MCCC2: variants seen among roughly 807,000 people sequenced by gnomAD.
MCCC2 encodes the protein methylcrotonoyl-CoA carboxylase beta chain, mitochondrial.
A neutral mutation model predicts 77.2 loss-of-function variants in MCCC2; 52 were observed. That is an observed-to-expected ratio of 0.67 (90% CI 0.54 to 0.85). The LOEUF (loss-of-function observed/expected upper bound fraction) is 0.85. MCCC2 is among the 40% of genes least tolerant of loss of function. MCCC2 has a pLI of 0.00. For missense variants in MCCC2, 682 were observed against 703.2 expected (o/e 0.97, Z 0.34); for synonymous variants, 253 against 248.4 (o/e 1.02, Z -0.18).
chr5:71,620,552 T>C (rs1246301526), intron 6 of MCCC2, among the ~76,000 whole-genome samples: 1 of 152,082 alleles, frequency 6.6e-6, no homozygotes, highest in Non-Finnish European at 1.5e-5. Context: ...AGATAAAAAA[T>C]CTCTTAGCTC....
At chr5:71,617,130 C>T in intron 6 of MCCC2, among the ~76,000 whole-genome samples, 1 of 152,202 alleles carries the variant, frequency 6.6e-6, no homozygotes, top group East Asian at 1.9e-4. Flanking sequence ...TGCTCCTGGA[C>T]CCTAAACTGC....
At position 71,633,119 on chromosome 5, in the gene MCCC2, A is replaced by T. The variant is rs1230976192; in HGVS notation, c.803+934A>T. On this transcript the variant is annotated intron_variant, in intron 8 of 16. Coordinates refer to ENST00000340941, the MANE Select transcript of MCCC2 (RefSeq NM_022132.5). ...TATATATATATATATATATATATATATATATATATATATTTTTATTTTTTG... is the reference window on the plus strand; with the variant it reads ...TATATATATATATATATATATATATTTATATATATATATTTTTATTTTTTG... Among the ~76,000 whole-genome samples, 159 of 28,700 alleles carry T rather than the reference A, an allele frequency of 5.5e-3. 4 individuals are homozygous for T. The highest frequency in any genetic ancestry group is 1.0e-2 in the Non-Finnish European group (123 of 12,322). 18.8% of individuals were successfully genotyped at this position (28,700 alleles called of 152,430 possible). A position where few individuals can be genotyped will look rare whatever the true frequency, so the allele number is the denominator to read the frequency against.
chr5:71,612,810 G>C (rs904610099), intron 6 of MCCC2, among the ~76,000 whole-genome samples: 4 of 152,198 alleles, frequency 2.6e-5, no homozygotes, highest in Non-Finnish European at 5.9e-5. Flanking sequence ...TTGAACTCCT[G>C]GCCTCAGATC....
chr5:71,632,557 A>T (rs1266823760), intron 8 of MCCC2, among the ~76,000 whole-genome samples: 4 of 152,186 alleles, frequency 2.6e-5, no homozygotes, highest in Non-Finnish European at 5.9e-5. Context: ...AATTATGTAA[A>T]TGTGGCTGAT....
chr5:71,637,933 T>C (rs951723875), intron 10 of MCCC2, among the ~76,000 whole-genome samples: 1 of 152,054 alleles, frequency 6.6e-6, no homozygotes, highest in African/African-American at 2.4e-5. Flanking sequence ...AGGATAGTCT[T>C]GATCTCCGGA....
intron 15 of MCCC2, among the ~76,000 whole-genome samples, chr5:71,650,445 A>G (rs1280383076): frequency 6.6e-6 from 1 of 152,092 alleles, no homozygotes; most frequent in Admixed American, 6.5e-5. Context: ...CCAAGAAAAC[A>G]CTTTTTTATT....
At chr5:71,618,919 G>A (rs1746272725) in intron 6 of MCCC2, among the ~76,000 whole-genome samples, 1 of 152,110 alleles carries the variant, frequency 6.6e-6, no homozygotes, top group Admixed American at 6.5e-5. Flanking sequence ...TGGTGCATTG[G>A]TTCTCTTTCT....
At chr5:71,619,458 T>C (rs1746289744) in intron 6 of MCCC2, among the ~76,000 whole-genome samples, 1 of 152,210 alleles carries the variant, frequency 6.6e-6, no homozygotes, top group Admixed American at 6.5e-5. Context: ...AATCTCACTA[T>C]GTTGCCCAGG....
At chr5:71,600,645 C>T (rs1260267283) in intron 4 of MCCC2, among the ~76,000 whole-genome samples, 1 of 152,178 alleles carries the variant, frequency 6.6e-6, no homozygotes, top group Non-Finnish European at 1.5e-5. Flanking sequence ...TGGTTTATAT[C>T]ATCACTACTC....
rs1561841253 is a variant in MCCC2, at chr5:71,633,106, TA to T, written c.803+922del. Among the ~76,000 whole-genome samples, 87 of 21,818 alleles carry T rather than the reference TA, an allele frequency of 4.0e-3. 4 individuals carry two copies. The highest frequency in any genetic ancestry group is 0.025 in the Middle Eastern group (1 of 40). The allele number at this position is 21,818 out of a possible 152,430, so 14.3% of individuals were successfully genotyped here. On this transcript the variant is annotated intron_variant, in intron 8 of 16. Coordinates refer to ENST00000340941, the MANE Select transcript of MCCC2 (RefSeq NM_022132.5). ...TTTTTCAGTTTTATATATATATATATATATATATATATATATATATATATAT... is the reference window on the plus strand; with the variant it reads ...TTTTTCAGTTTTATATATATATATATTATATATATATATATATATATATAT...
intron 6 of MCCC2, among the ~76,000 whole-genome samples, chr5:71,605,308 T>C (rs1342785251): frequency 2.0e-5 from 3 of 151,338 alleles, no homozygotes; most frequent in African/African-American, 7.2e-5. Context: ...ATTGTGGTTT[T>C]GATTTGCATT....
At chr5:71,623,733 T>A (rs995617514) in intron 6 of MCCC2, among the ~76,000 whole-genome samples, 11 of 152,330 alleles carry the variant, frequency 7.2e-5, no homozygotes, top group African/African-American at 2.4e-4. Flanking sequence ...AAAAGCCTGG[T>A]TACCAGAATC....
At chr5:71,602,821 C>A in intron 5 of MCCC2, 188 bp downstream of exon 5, 1 of 772,974 alleles carries the variant, frequency 1.3e-6, no homozygotes, top group Non-Finnish European at 2.1e-6. Flanking sequence ...GTTCATAGTA[C>A]TAGTGCATAA....
rs147286109 is a variant in MCCC2, at chr5:71,612,725, T to C, written c.624+8257T>C. ...GGCTGTTGTAACAAATTATCACAAA[T>C]TGAGTGGCTTAAAGCAACAGCAATT... is the stretch of plus-strand genomic sequence containing the variant. On this transcript the variant is annotated intron_variant, in intron 6 of 16. Transcript: ENST00000340941. Among the ~76,000 whole-genome samples, 130 of 152,374 alleles carry C rather than the reference T, an allele frequency of 8.5e-4. 1 individual carries two copies. Among genetic ancestry groups the C allele is most frequent in the Middle Eastern group, 6.8e-3 (2 of 294 alleles).
intron 7 of MCCC2, among the ~76,000 whole-genome samples, chr5:71,631,418 G>T (rs1479142476): frequency 6.6e-6 from 1 of 152,132 alleles, no homozygotes; most frequent in Non-Finnish European, 1.5e-5. Flanking sequence ...AATTCGTCAG[G>T]TAGGTGAGAA....
At chr5:71,607,915 G>A (rs1745755871) in intron 6 of MCCC2, among the ~76,000 whole-genome samples, 1 of 141,406 alleles carries the variant, frequency 7.1e-6, no homozygotes, top group African/African-American at 2.7e-5. Context: ...CTGAGTTCTA[G>A]TTTGATTGCA....
At chr5:71,631,698 G>C (rs1048228490) in intron 7 of MCCC2, among the ~76,000 whole-genome samples, 43 of 152,018 alleles carry the variant, frequency 2.8e-4, no homozygotes, top group African/African-American at 9.6e-4. Flanking sequence ...CCGCCACCGC[G>C]CCCAGCTAAT....
chr5:71,596,660 G>A (rs921748004), intron 3 of MCCC2, among the ~76,000 whole-genome samples: 17 of 152,124 alleles, frequency 1.1e-4, no homozygotes, highest in African/African-American at 3.1e-4. Flanking sequence ...TGTAACTTCT[G>A]GCTGGGTGTG....
chr5:71,594,699 G>T (rs1745107063), intron 2 of MCCC2, among the ~76,000 whole-genome samples: 1 of 151,984 alleles, frequency 6.6e-6, no homozygotes, highest in African/African-American at 2.4e-5. Flanking sequence ...GGAGAAGGGG[G>T]AAAGGACAAA....
Sources: allele counts gnomAD v4.1 joint callset (sites outside exome capture counted in the v4.1 genomes callset), GRCh38; gene constraint gnomAD v4.1.1; transcripts MANE v1.5; gene names NCBI Gene and HGNC (gene_info 2026-07-23, HGNC 2026-07-21).